The following MAP2K4 variants were observed in gnomAD, a reference collection of about 807,000 sequenced individuals.
MAP2K4 encodes dual specificity mitogen-activated protein kinase kinase 4.
In MAP2K4, 4 loss-of-function variants were observed where a neutral mutation model predicts 48.5. The ratio of observed to expected loss-of-function variants is 0.08; its 90% CI spans 0.04 to 0.19. The LOEUF (loss-of-function observed/expected upper bound fraction) is 0.19. Ranked by LOEUF, MAP2K4 falls within the 10% of genes least tolerant of loss-of-function variation. The pLI, the probability that MAP2K4 is intolerant of heterozygous loss-of-function variation, is 1.00. For synonymous variants in MAP2K4, 166 were observed against 173.1 expected (o/e 0.96, Z 0.32); for missense variants, 258 against 493.3 (o/e 0.52, Z 4.52).
At chr17:12,098,366 T>C (rs1012679553) in intron 4 of MAP2K4, among the ~76,000 whole-genome samples, 3 of 151,644 alleles carry the variant, frequency 2.0e-5, no homozygotes, top group Admixed American at 6.6e-5. Flanking sequence ...TAGTCCCGGC[T>C]ACTTGGGAGG....
intron 7 of MAP2K4, among the ~76,000 whole-genome samples, chr17:12,124,069 A>G (rs1972775200): frequency 1.1e-5 from 1 of 94,294 alleles, no homozygotes; most frequent in Non-Finnish European, 2.5e-5. Context: ...AAATACTTAT[A>G]TTTACAACAA....
chr17:12,065,595 T>C (rs2151534642), intron 2 of MAP2K4, among the ~76,000 whole-genome samples: 1 of 152,228 alleles, frequency 6.6e-6, no homozygotes, highest in East Asian at 1.9e-4. Context: ...CCACTGCGCC[T>C]GGCCTAATTT....
intron 1 of MAP2K4, among the ~76,000 whole-genome samples, chr17:12,048,197 T>A (rs546515102): frequency 1.2e-4 from 19 of 152,306 alleles, no homozygotes; most frequent in Admixed American, 7.8e-4. Context: ...TTTGGCAGAA[T>A]GCCCAACGAA....
intron 1 of MAP2K4, among the ~76,000 whole-genome samples, chr17:12,040,041 T>C (rs1969728421): frequency 6.6e-6 from 1 of 152,206 alleles, no homozygotes; most frequent in Non-Finnish European, 1.5e-5. Context: ...AGGTGTGTTG[T>C]TGTATCACAT....
At chr17:12,121,217 T>G (rs757952539) in intron 7 of MAP2K4, among the ~76,000 whole-genome samples, 4 of 152,198 alleles carry the variant, frequency 2.6e-5, no homozygotes, top group African/African-American at 9.7e-5. Context: ...TATATAGTTG[T>G]ATATGAAACA....
intron 9 of MAP2K4, among the ~76,000 whole-genome samples, chr17:12,134,217 T>A (rs943295978): frequency 6.6e-6 from 1 of 152,216 alleles, no homozygotes; most frequent in African/African-American, 2.4e-5. Context: ...ACAGTTAACC[T>A]GAATCCATAG....
At chr17:12,066,356 A>G (rs62060996) in intron 2 of MAP2K4, among the ~76,000 whole-genome samples, 25,608 of 152,196 alleles carry the variant, frequency 0.17, 2,541 homozygotes, top group South Asian at 0.3. Flanking sequence ...TGCCTTGCAG[A>G]AAAGCTTATT....
chr17:12,022,718 G>T (rs1969127407), intron 1 of MAP2K4, among the ~76,000 whole-genome samples: 1 of 152,222 alleles, frequency 6.6e-6, no homozygotes, highest in Admixed American at 6.5e-5. Flanking sequence ...TTATCCCCCT[G>T]TGAAGATGGG....
intron 1 of MAP2K4, among the ~76,000 whole-genome samples, chr17:12,052,377 G>T (rs1295457096): frequency 6.6e-6 from 1 of 152,028 alleles, no homozygotes; most frequent in Non-Finnish European, 1.5e-5. Flanking sequence ...GGCCTTTAAA[G>T]CTTTCAATTT....
At chr17:12,078,873 C>A (rs995899652) in intron 2 of MAP2K4, among the ~76,000 whole-genome samples, 1 of 152,042 alleles carries the variant, frequency 6.6e-6, no homozygotes, top group African/African-American at 2.4e-5. Flanking sequence ...TGTGGTTGTA[C>A]CTACTGTTAA....
At chr17:12,098,830 C>T (rs908735457) in intron 4 of MAP2K4, among the ~76,000 whole-genome samples, 3 of 152,136 alleles carry the variant, frequency 2.0e-5, no homozygotes. Context: ...TTGGTTCAGT[C>T]AGCCATCCAT....
intron 2 of MAP2K4, among the ~76,000 whole-genome samples, chr17:12,057,711 G>A (rs1351748522): frequency 6.6e-6 from 1 of 151,968 alleles, no homozygotes; most frequent in African/African-American, 2.4e-5. Flanking sequence ...AAAAAAAAAT[G>A]TGTTCCGTCT....
At position 12,142,876 on chromosome 17, in the gene MAP2K4, C is replaced by G. The variant is rs1973415053; in HGVS notation, c.*1616C>G. ...GGTTCAAGCACACTGGAATATAAAA[C>G]AGTCATGGCCTGAGATGCAGGTGAT... On this transcript the variant is annotated 3_prime_UTR_variant, in exon 11 of 11. Coordinates refer to ENST00000353533, the MANE Select transcript of MAP2K4 (RefSeq NM_003010.4). 1 of 232,660 alleles carries G rather than the reference C, an allele frequency of 4.3e-6. No individual in the cohort carries two copies. The highest frequency in any genetic ancestry group is 1.3e-3 in the Middle Eastern group (1 of 784). 14.4% of individuals were successfully genotyped at this position (232,660 alleles called of 1,614,324 possible).
At chr17:12,070,915 C>G (rs1303165974) in intron 2 of MAP2K4, among the ~76,000 whole-genome samples, 1 of 152,216 alleles carries the variant, frequency 6.6e-6, no homozygotes, top group East Asian at 1.9e-4. Flanking sequence ...AATTTATTCT[C>G]TCACAGTTCT....
At chr17:12,059,779 A>C (rs2151529927) in intron 2 of MAP2K4, among the ~76,000 whole-genome samples, 1 of 152,302 alleles carries the variant, frequency 6.6e-6, no homozygotes. Context: ...TATTCCTCGT[A>C]TTTCTTGATG....
intron 8 of MAP2K4, among the ~76,000 whole-genome samples, chr17:12,127,457 CA>C (rs1972889690): frequency 6.6e-6 from 1 of 152,160 alleles, no homozygotes; most frequent in Non-Finnish European, 1.5e-5. Context: ...TACTTCTTTA[CA>C]GAAAGAAAAT....
chr17:12,029,463 T>C (rs755780762), intron 1 of MAP2K4, among the ~76,000 whole-genome samples: 1 of 152,142 alleles, frequency 6.6e-6, no homozygotes, highest in East Asian at 1.9e-4. Flanking sequence ...TGGAGGATCA[T>C]GTCAAATTAA....
chr17:12,080,829 A>G (rs1025992214), intron 2 of MAP2K4, among the ~76,000 whole-genome samples: 2 of 152,184 alleles, frequency 1.3e-5, no homozygotes, highest in African/African-American at 4.8e-5. Context: ...TTGCTATGGG[A>G]CGATACCTGG....
intron 2 of MAP2K4, among the ~76,000 whole-genome samples, chr17:12,061,243 G>A (rs1053667824): frequency 1.3e-5 from 2 of 152,288 alleles, no homozygotes; most frequent in East Asian, 1.9e-4. Flanking sequence ...CATTTGGGTT[G>A]TTTGTACCTT....
Sources: gnomAD v4.1 joint callset for allele counts (sites outside exome capture counted in the v4.1 genomes callset) on GRCh38, gnomAD v4.1.1 for gene constraint, MANE v1.5 for transcripts, NCBI Gene and HGNC (gene_info 2026-07-23, HGNC 2026-07-21) for gene names.